The following GRID2 variants were observed in gnomAD, a reference collection of about 807,000 sequenced individuals.
GRID2 encodes the protein glutamate receptor ionotropic, delta-2.
GRID2 carries 33 observed loss-of-function variants against 114.8 expected under a neutral mutation model. The observed-to-expected ratio is 0.29, with a 90% confidence interval of 0.22 to 0.38. The LOEUF is 0.38. Ranked by LOEUF, GRID2 falls within the 10% of genes least tolerant of loss-of-function variation. The pLI, the probability that GRID2 is intolerant of heterozygous loss-of-function variation, is 1.00. For missense variants in GRID2, 1,184 were observed against 1,257.7 expected (o/e 0.94, Z 0.89); for synonymous variants, 505 against 449.9 (o/e 1.12, Z -1.55).
Position 93,212,572 on chromosome 4 carries a change from G to C in GRID2, c.790-4166G>C, listed in dbSNP as rs182564451. ...TTACAAAAGTTAGAAATTCAGATAG[G>C]AAGACGTGCACTGTTCAGAGCTGCA... On this transcript the variant is annotated intron_variant, in intron 5 of 15. Transcript: ENST00000282020. 3.7e-3 allele frequency among the ~76,000 whole-genome samples: 561 copies of C among 152,132 alleles called. 6 individuals are homozygous for C. Among genetic ancestry groups the C allele is most frequent in the African/African-American group, 4.4e-3 (182 of 41,522 alleles).
chr4:93,291,186 T>C (rs943116216), intron 8 of GRID2, among the ~76,000 whole-genome samples: 2 of 152,110 alleles, frequency 1.3e-5, no homozygotes, highest in Non-Finnish European at 2.9e-5. Context: ...ATACAAGTAA[T>C]TTTTAAAATA....
Position 93,053,860 on chromosome 4 carries a change from A to G in GRID2, c.245-31135A>G, listed in dbSNP as rs910540879. Reference sequence around the variant, plus strand: ...AACAAACACATGGATGCTTACCAAGATCAATTAACAATATGTTATATTCCT... The same window carrying G: ...AACAAACACATGGATGCTTACCAAGGTCAATTAACAATATGTTATATTCCT... On this transcript the variant is annotated intron_variant, in intron 2 of 15. Coordinates refer to ENST00000282020, the MANE Select transcript of GRID2 (RefSeq NM_001510.4). 2.0e-5 allele frequency among the ~76,000 whole-genome samples: 3 copies of G among 152,058 alleles called. No homozygotes were observed. In the South Asian group the frequency reaches 6.2e-4, roughly 32 times the overall value.
intron 2 of GRID2, among the ~76,000 whole-genome samples, chr4:92,752,192 A>G (rs1737485468): frequency 6.6e-6 from 1 of 152,354 alleles, no homozygotes; most frequent in Non-Finnish European, 1.5e-5. Context: ...GAGTGGATTC[A>G]TGAAACTTCA....
chr4:92,985,394 C>T (rs1210652111), intron 2 of GRID2, among the ~76,000 whole-genome samples: 1 of 151,806 alleles, frequency 6.6e-6, no homozygotes, highest in Non-Finnish European at 1.5e-5. Context: ...GCCACCATGC[C>T]GGGCTAAATT....
intron 2 of GRID2, among the ~76,000 whole-genome samples, chr4:93,048,989 C>T (rs1726431687): frequency 6.6e-6 from 1 of 152,010 alleles, no homozygotes; most frequent in East Asian, 1.9e-4. Flanking sequence ...TTGGTGGCCT[C>T]TGCTTCAGAG....
chr4:93,205,781 A>G (rs936271803), intron 4 of GRID2, among the ~76,000 whole-genome samples: 5 of 152,062 alleles, frequency 3.3e-5, no homozygotes, highest in African/African-American at 1.2e-4. Context: ...CCAACAGTGT[A>G]AAAGTGTTCC....
At chr4:92,467,606 G>C (rs1040380410) in intron 1 of GRID2, among the ~76,000 whole-genome samples, 9 of 151,914 alleles carry the variant, frequency 5.9e-5, no homozygotes, top group Non-Finnish European at 1.2e-4. Flanking sequence ...TGAGTGGGCT[G>C]GTTTGTGCAT....
chr4:93,420,494 T>A (rs1054710309), intron 9 of GRID2, among the ~76,000 whole-genome samples: 1 of 152,100 alleles, frequency 6.6e-6, no homozygotes, highest in Non-Finnish European at 1.5e-5. Flanking sequence ...ATTTGGAATA[T>A]CAAGATGTGT....
At chr4:92,919,529 C>T (rs1384342537) in intron 2 of GRID2, among the ~76,000 whole-genome samples, 1 of 152,178 alleles carries the variant, frequency 6.6e-6, no homozygotes, top group Non-Finnish European at 1.5e-5. Flanking sequence ...TTGAATGTGT[C>T]CCAGAGATTC....
chr4:93,290,318 A>T (rs1167203808), intron 8 of GRID2, among the ~76,000 whole-genome samples: 2 of 152,266 alleles, frequency 1.3e-5, no homozygotes, highest in East Asian at 1.9e-4. Flanking sequence ...AGGTGTTCGG[A>T]TAGAGCTGGG....
At chr4:92,441,053 T>C (rs28763692) in intron 1 of GRID2, among the ~76,000 whole-genome samples, 52,721 of 146,334 alleles carry the variant, frequency 0.36, 9,805 homozygotes, top group African/African-American at 0.54. Context: ...AGCCGCTGCA[T>C]GCAGACATGA....
chr4:93,053,636 T>C (rs1726938064), intron 2 of GRID2, among the ~76,000 whole-genome samples: 2 of 152,012 alleles, frequency 1.3e-5, no homozygotes, highest in African/African-American at 4.8e-5. Flanking sequence ...AGAGTCATAT[T>C]TGCATAGCTA....
At chr4:92,556,748 T>C (rs1043379553) in intron 1 of GRID2, among the ~76,000 whole-genome samples, 2 of 152,144 alleles carry the variant, frequency 1.3e-5, no homozygotes, top group Non-Finnish European at 2.9e-5. Context: ...GTTTGCCTTG[T>C]GGGCCTCTCC....
intron 8 of GRID2, among the ~76,000 whole-genome samples, chr4:93,269,452 C>A (rs1309520342): frequency 6.6e-6 from 1 of 152,124 alleles, no homozygotes; most frequent in East Asian, 1.9e-4. Flanking sequence ...TTCTTGTCAG[C>A]CAACTTCATA....
At chr4:92,928,261 T>C (rs959931477) in intron 2 of GRID2, among the ~76,000 whole-genome samples, 22 of 151,858 alleles carry the variant, frequency 1.4e-4, no homozygotes, top group African/African-American at 5.3e-4. Flanking sequence ...TGGAAACTTA[T>C]TTACAGAGTA....
chr4:93,758,130 C>G (rs930453990), intron 14 of GRID2, among the ~76,000 whole-genome samples: 1 of 152,034 alleles, frequency 6.6e-6, no homozygotes, highest in Non-Finnish European at 1.5e-5. Context: ...TCTAAACACT[C>G]TACTAAAAAA....
intron 13 of GRID2, among the ~76,000 whole-genome samples, chr4:93,575,245 A>C (rs1736310543): frequency 6.6e-6 from 1 of 152,208 alleles, no homozygotes; most frequent in African/African-American, 2.4e-5. Flanking sequence ...CAGTCTACAC[A>C]CAAATGTAAG....
intron 14 of GRID2, among the ~76,000 whole-genome samples, chr4:93,674,387 T>G (rs1724676739): frequency 6.6e-6 from 1 of 152,226 alleles, no homozygotes; most frequent in East Asian, 1.9e-4. Flanking sequence ...GGTACAATGC[T>G]GTGCAGTCTC....
rs1200725409 is a variant in GRID2 at position 93,478,596 on chromosome 4, A to G, written c.1859-12043A>G. On this transcript the variant is annotated intron_variant, in intron 11 of 15. Coordinates refer to ENST00000282020, the MANE Select transcript of GRID2 (RefSeq NM_001510.4). ...AAAATATTAAATTATATAATTAACT[A>G]CATAACATAAAATTAACTAACTACA... 2.6e-5 allele frequency among the ~76,000 whole-genome samples: 4 copies of G among 151,326 alleles called. No homozygotes were observed. The East Asian group carries it at 7.7e-4, about 29-fold the overall frequency.
Sources: allele counts gnomAD v4.1 joint callset (sites outside exome capture counted in the v4.1 genomes callset), GRCh38; gene constraint gnomAD v4.1.1; transcripts MANE v1.5; gene names NCBI Gene and HGNC (gene_info 2026-07-23, HGNC 2026-07-21).